CD46: variants seen among roughly 807,000 people sequenced by gnomAD.
CD46 encodes membrane cofactor protein.
A neutral mutation model predicts 53.3 loss-of-function variants in CD46; 30 were observed. That is an observed-to-expected ratio of 0.56 (90% CI 0.42 to 0.76). CD46 has a LOEUF of 0.76. Ranked by LOEUF, CD46 falls within the 30% of genes least tolerant of loss-of-function variation. CD46 has a pLI of 0.00. For synonymous variants in CD46, 142 were observed against 152.0 expected, an observed-to-expected ratio of 0.93 and a Z score of 0.48; for missense variants, 409 against 463.0, an observed-to-expected ratio of 0.88 and a Z score of 1.07.
At chr1:207,774,286 G>T (rs1302673509) in intron 8 of CD46, among the ~76,000 whole-genome samples, 2 of 151,858 alleles carry the variant, frequency 1.3e-5, no homozygotes, top group Non-Finnish European at 2.9e-5. Context: ...CTTTGCATGT[G>T]AGATAGGTCT....
chr1:207,757,167 A>T lies in CD46; in HGVS notation c.251A>T (p.His84Leu), dbSNP rs1047780483. The T allele has an allele frequency of 6.2e-6, 10 of 1,613,952 alleles. No homozygotes were observed. Among genetic ancestry groups the T allele is most frequent in the Admixed American group, 1.7e-5 (1 of 60,018 alleles). ...LATHTICDRN[H>L]TWLPVSDDAC... is the part of the protein sequence containing the mutation. ...ACCCATACTATTTGTGATCGGAATC[A>T]TACATGGCTACCTGTCTCAGATGAC... The change falls in exon 2 of 13, where the codon CAT becomes CTT. Residue 84 changes from histidine (H) to leucine (L), a missense_variant. By Grantham distance (99) the His-to-Leu change is moderately conservative (BLOSUM62 -3). Coordinates refer to ENST00000367042, the MANE Select transcript of CD46 (RefSeq NM_172351.3).
In CD46 at chr1:207,752,083, A is replaced by G. The variant is rs1036049609; in HGVS notation, c.-130A>G. The G allele has an allele frequency of 1.7e-5, 16 of 930,122 alleles. No individual in the cohort carries two copies. Among genetic ancestry groups the G allele is most frequent in the African/African-American group, 1.5e-4 (9 of 62,052 alleles). The allele number at this position is 930,122 out of a possible 1,614,324, so 57.6% of individuals were successfully genotyped here. A position where few individuals can be genotyped will look rare whatever the true frequency, so the allele number is the denominator to read the frequency against. Reference sequence around the variant, plus strand: ...CTCGGGCCACGCCCACCTGTCCTGCAGCACTGGATGCTTTGTGAGTTGGGG... The same window carrying G: ...CTCGGGCCACGCCCACCTGTCCTGCGGCACTGGATGCTTTGTGAGTTGGGG... On this transcript the variant is annotated 5_prime_UTR_variant, in exon 1 of 13. Transcript: ENST00000367042. The surrounding 1 kb of genome is among the most constrained non-coding windows in gnomAD (Gnocchi z 4.1).
intron 3 of CD46, among the ~76,000 whole-genome samples, chr1:207,759,310 C>T (rs541565357): frequency 9.2e-5 from 14 of 152,288 alleles, no homozygotes; most frequent in African/African-American, 2.9e-4. Flanking sequence ...CTACACAGTC[C>T]TTGTCCTTAC....
chr1:207,787,401 T>A (rs1659371303), intron 11 of CD46, among the ~76,000 whole-genome samples: 1 of 152,126 alleles, frequency 6.6e-6, no homozygotes, highest in South Asian at 2.1e-4. Flanking sequence ...TCAACAGTTA[T>A]CTGACTGTTA....
intron 11 of CD46, among the ~76,000 whole-genome samples, chr1:207,787,894 TAA>T (rs1659415886): frequency 6.6e-6 from 1 of 152,204 alleles, no homozygotes; most frequent in Admixed American, 6.5e-5. Flanking sequence ...TCTCTGACTT[TAA>T]TGTGCACATT....
chr1:207,759,261 A>G (rs1196702060), intron 3 of CD46, among the ~76,000 whole-genome samples: 2 of 152,202 alleles, frequency 1.3e-5, no homozygotes, highest in Non-Finnish European at 2.9e-5. Context: ...AGAAGCAGGG[A>G]CTTGAATCTA....
intron 5 of CD46, among the ~76,000 whole-genome samples, chr1:207,763,693 A>AT (rs1335110209): frequency 1.3e-5 from 2 of 149,976 alleles, no homozygotes; most frequent in African/African-American, 2.5e-5. Flanking sequence ...TTTTCAATGT[A>AT]TTTTTTTTCT....
chr1:207,791,617 A>C (rs1251508389), intron 12 of CD46, among the ~76,000 whole-genome samples: 1 of 152,220 alleles, frequency 6.6e-6, no homozygotes, highest in Non-Finnish European at 1.5e-5. Flanking sequence ...GTAGTTCTGT[A>C]ATTTTCCATT....
At chr1:207,782,582 T>C (rs1180650038) in intron 8 of CD46, among the ~76,000 whole-genome samples, 1 of 151,942 alleles carries the variant, frequency 6.6e-6, no homozygotes, top group Admixed American at 6.6e-5. Context: ...TTTATTATGT[T>C]GAGGAAGTTT....
At chr1:207,762,935 C>T (rs894453278) in intron 5 of CD46, 7 of 152,624 alleles carry the variant, frequency 4.6e-5, no homozygotes, top group Admixed American at 2.0e-4. Context: ...TGCTCTGTCA[C>T]CTCAGCACTG....
chr1:207,754,954 A>G, intron 1 of CD46, among the ~76,000 whole-genome samples: 1 of 63,596 alleles, frequency 1.6e-5, no homozygotes, highest in East Asian at 2.8e-4. Context: ...CAAAACATGT[A>G]AAAAAAAAAA....
At chr1:207,766,284 A>G (rs114143168) in intron 5 of CD46, among the ~76,000 whole-genome samples, 79 of 152,330 alleles carry the variant, frequency 5.2e-4, no homozygotes, top group Non-Finnish European at 9.9e-4. Context: ...GAAATGGTGA[A>G]TTTTACTGTA....
intron 5 of CD46, among the ~76,000 whole-genome samples, chr1:207,765,074 T>C (rs1157028943): frequency 6.6e-6 from 1 of 152,158 alleles, no homozygotes; most frequent in Non-Finnish European, 1.5e-5. Flanking sequence ...AATCCTGTGA[T>C]ACATAAAAAG....
intron 11 of CD46, among the ~76,000 whole-genome samples, chr1:207,788,540 C>A (rs1455769462): frequency 4.6e-5 from 7 of 151,806 alleles, no homozygotes; most frequent in Non-Finnish European, 8.8e-5. Flanking sequence ...CACAAAAAAA[C>A]CCCAAAGATT....
chr1:207,781,026 A>G (rs1341405142), intron 8 of CD46, among the ~76,000 whole-genome samples: 5 of 151,756 alleles, frequency 3.3e-5, no homozygotes, highest in African/African-American at 4.8e-5. Flanking sequence ...TCATGAGGAC[A>G]GAGCCATAAT....
At chr1:207,775,779 C>T (rs936500542) in intron 8 of CD46, among the ~76,000 whole-genome samples, 4 of 152,300 alleles carry the variant, frequency 2.6e-5, no homozygotes, top group East Asian at 1.9e-4. Context: ...AGGTGTTTGT[C>T]GGCCGCTACT....
intron 9 of CD46, 125 bp from the exon 10 acceptor site, chr1:207,784,946 C>A (rs1187519321): frequency 5.1e-6 from 4 of 778,512 alleles, no homozygotes; most frequent in Non-Finnish European, 2.2e-6. Context: ...ATGGGAATTG[C>A]GATTCAAGAT....
At chr1:207,777,559 G>GC (rs1364411956) in intron 8 of CD46, among the ~76,000 whole-genome samples, 1 of 152,012 alleles carries the variant, frequency 6.6e-6, no homozygotes, top group East Asian at 1.9e-4. Flanking sequence ...TTACCATTTA[G>GC]CCCCCACTTA....
chr1:207,779,913 C>CTTTTTTTTTTTTTTTTTTTTTTTTTT lies in CD46; in HGVS notation c.944-3360_944-3359insTTTTTTTTTTTTTTTTTTTTTTTTTT, dbSNP rs66758503. Among the ~76,000 whole-genome samples the CTTTTTTTTTTTTTTTTTTTTTTTTTT allele has an allele frequency of 9.5e-4, 59 of 62,380 alleles. 10 individuals are homozygous for CTTTTTTTTTTTTTTTTTTTTTTTTTT. The highest frequency in any genetic ancestry group is 1.6e-3 in the East Asian group (2 of 1,224). The allele number at this position is 62,380 out of a possible 152,430, so 40.9% of individuals were successfully genotyped here. ...TTCTATTCTTGTAGCAAAAGCAAGT[C>CTTTTTTTTTTTTTTTTTTTTTTTTTT]TTTTTTTTTTTTTTTTTTTACTGTA... On this transcript the variant is annotated intron_variant, in intron 8 of 12. Transcript: ENST00000367042.
Sources: gnomAD v4.1 joint callset for allele counts (sites outside exome capture counted in the v4.1 genomes callset) on GRCh38, gnomAD v4.1.1 for gene constraint, Gnocchi (gnomAD v3.1) non-coding constraint, MANE v1.5 for transcripts, NCBI Gene and HGNC (gene_info 2026-07-23, HGNC 2026-07-21) for gene names.